The following SLC22A3 variants were observed in gnomAD, a reference collection of about 807,000 sequenced individuals.
SLC22A3 encodes EMT organic cation transporter 3.
SLC22A3 carries 51 observed loss-of-function variants against 59.1 expected under a neutral mutation model. The observed-to-expected ratio is 0.86, with a 90% confidence interval of 0.69 to 1.09. The LOEUF (loss-of-function observed/expected upper bound fraction) is 1.09. Among genes scored for constraint, SLC22A3 ranks in the 50% least tolerant of loss-of-function variants. SLC22A3 has a pLI of 0.00. For missense variants in SLC22A3, 711 were observed against 726.3 expected (o/e 0.98, Z 0.24); for synonymous variants, 325 against 292.0 (o/e 1.11, Z -1.15).
At chr6:160,407,513 A>G (rs980460271) in intron 3 of SLC22A3, among the ~76,000 whole-genome samples, 7 of 152,162 alleles carry the variant, frequency 4.6e-5, no homozygotes, top group African/African-American at 1.2e-4. Flanking sequence ...ATAAAATCTC[A>G]GTAGCTTCTT....
intron 1 of SLC22A3, among the ~76,000 whole-genome samples, chr6:160,359,718 A>G (rs968943733): frequency 6.6e-6 from 1 of 152,222 alleles, no homozygotes; most frequent in African/African-American, 2.4e-5. Context: ...AAAACAACAG[A>G]AAATTGGTGA....
intron 5 of SLC22A3, among the ~76,000 whole-genome samples, chr6:160,412,363 A>C (rs1238815658): frequency 6.6e-6 from 1 of 152,044 alleles, no homozygotes; most frequent in African/African-American, 2.4e-5. Flanking sequence ...AACTCTGTCT[A>C]AAAAAGAACT....
At position 160,389,467 on chromosome 6, in the gene SLC22A3, T is replaced by G. The variant is rs1583468203; in HGVS notation, c.430-8512T>G. Among the ~76,000 whole-genome samples the G allele has an allele frequency of 2.0e-5, 3 of 152,156 alleles. No individual in the cohort carries two copies. In the East Asian group the frequency reaches 5.8e-4, roughly 29 times the overall value. On this transcript the variant is annotated intron_variant, in intron 1 of 10. Transcript: ENST00000275300. ...GACAGGGTTCTGTTCTTGTTCACAG[T>G]GGGGAGGGTAATTCTCCAAAATTCA... is the stretch of plus-strand genomic sequence containing the variant.
At chr6:160,416,534 C>A (rs773140223) in intron 5 of SLC22A3, among the ~76,000 whole-genome samples, 1 of 152,054 alleles carries the variant, frequency 6.6e-6, no homozygotes, top group Non-Finnish European at 1.5e-5. Context: ...AGCATGACAG[C>A]GTCTCACAAT....
intron 5 of SLC22A3, among the ~76,000 whole-genome samples, chr6:160,418,630 T>A (rs903153691): frequency 6.6e-6 from 1 of 152,226 alleles, no homozygotes; most frequent in African/African-American, 2.4e-5. Context: ...ACCTGGATGA[T>A]GCAGCTACAC....
chr6:160,388,900 T>G (rs1786131456), intron 1 of SLC22A3, among the ~76,000 whole-genome samples: 1 of 152,242 alleles, frequency 6.6e-6, no homozygotes, highest in African/African-American at 2.4e-5. Context: ...ACCCCAAAGC[T>G]GCATTGTGCA....
chr6:160,381,557 A>G (rs113670439), intron 1 of SLC22A3, among the ~76,000 whole-genome samples: 2,993 of 152,332 alleles, frequency 0.02, 92 homozygotes, highest in Middle Eastern at 0.11. Flanking sequence ...TTATACTACA[A>G]TATCTTCAAG....
rs1447838093 is a variant in SLC22A3, at chr6:160,408,876, A to G, written c.812A>G (p.Gln271Arg). The change falls in exon 4 of 11, where the codon CAG (glutamine) becomes CGG (arginine). Residue 271 changes from glutamine (Q) to arginine (R), a missense_variant. Gln to Arg is a conservative substitution (Grantham distance 43). Transcript: ENST00000275300. ...TTCATCCCCAACTGGCAAGGAATCC[A>G]GTTAGCCATCACGCTGCCCAGCTTT... is the stretch of plus-strand genomic sequence containing the variant. ...AYFIPNWQGI[Q>R]LAITLPSFLF... 3 of 1,613,904 alleles carry G rather than the reference A, an allele frequency of 1.9e-6. No homozygotes were observed. In the Admixed American group the frequency reaches 5.0e-5, roughly 27 times the overall value.
intron 8 of SLC22A3, 138 bp downstream of exon 8, chr6:160,443,007 G>A (rs1305037062): frequency 1.4e-6 from 1 of 719,884 alleles, no homozygotes; most frequent in Non-Finnish European, 2.5e-6. Context: ...TAGTAAAGAA[G>A]ATATGCTTTG....
chr6:160,425,956 C>T (rs1377004354), intron 5 of SLC22A3: 17 of 985,306 alleles, frequency 1.7e-5, no homozygotes, highest in Non-Finnish European at 2.0e-5. Flanking sequence ...TGGCTTATGG[C>T]TGATACGTAA....
chr6:160,428,532 C>T (rs558388896), intron 5 of SLC22A3, among the ~76,000 whole-genome samples: 20 of 152,306 alleles, frequency 1.3e-4, no homozygotes, highest in South Asian at 4.1e-4. Flanking sequence ...GAGTATGGAA[C>T]GCCTCATGAA....
At chr6:160,398,897 C>G (rs999082647) in intron 2 of SLC22A3, among the ~76,000 whole-genome samples, 1 of 151,950 alleles carries the variant, frequency 6.6e-6, no homozygotes, top group Non-Finnish European at 1.5e-5. Flanking sequence ...CATATCTGGC[C>G]TAATATTGTT....
At chr6:160,364,779 A>C in intron 1 of SLC22A3, among the ~76,000 whole-genome samples, 1 of 152,210 alleles carries the variant, frequency 6.6e-6, no homozygotes, top group East Asian at 1.9e-4. Flanking sequence ...CATCGCTCAG[A>C]GCAGGATCAG....
At chr6:160,445,146 G>A (rs531198428) in intron 9 of SLC22A3, among the ~76,000 whole-genome samples, 12 of 152,336 alleles carry the variant, frequency 7.9e-5, no homozygotes, top group South Asian at 4.1e-4. Flanking sequence ...TAACTGCTGA[G>A]ACCCTGAAAG....
intron 9 of SLC22A3, among the ~76,000 whole-genome samples, chr6:160,446,126 C>T (rs1156683810): frequency 6.6e-6 from 1 of 152,120 alleles, no homozygotes; most frequent in South Asian, 2.1e-4. Context: ...GTGAGAAGCC[C>T]GAGGCAGGAG....
chr6:160,351,884 C>A (rs1468960416), intron 1 of SLC22A3, among the ~76,000 whole-genome samples: 1 of 152,172 alleles, frequency 6.6e-6, no homozygotes, highest in Non-Finnish European at 1.5e-5. Flanking sequence ...AATCCGGGGG[C>A]CTTGATTGTA....
rs1377443526 is a variant in SLC22A3 at position 160,451,046 on chromosome 6, C to T, written c.1661C>T (p.Ser554Phe). ...GRNKKTPVSR[S>F]HL ...AATAAGAAAACCCCAGTTTCCCGCT[C>T]TCACCTTTGAGGCCCCCGACAAAGA... is the stretch of plus-strand genomic sequence containing the variant. The change falls in exon 11 of 11, where the codon TCT (serine) becomes TTT (phenylalanine). Residue 554 changes from serine (S) to phenylalanine (F), a missense_variant. Ser to Phe is a radical substitution (Grantham distance 155). Coordinates refer to ENST00000275300, the MANE Select transcript of SLC22A3 (RefSeq NM_021977.4). 1 of 1,593,244 alleles carries T rather than the reference C, an allele frequency of 6.3e-7. No homozygotes were observed. The highest frequency in any genetic ancestry group is 1.1e-5 in the South Asian group (1 of 87,750).
At chr6:160,424,206 A>T (rs1323210030) in intron 5 of SLC22A3, among the ~76,000 whole-genome samples, 3 of 152,214 alleles carry the variant, frequency 2.0e-5, no homozygotes, top group African/African-American at 7.2e-5. Context: ...TATTGCAAAG[A>T]TCCACAAACC....
At chr6:160,410,451 A>G (rs1035387983) in intron 4 of SLC22A3, among the ~76,000 whole-genome samples, 5 of 152,338 alleles carry the variant, frequency 3.3e-5, no homozygotes, top group Middle Eastern at 3.4e-3. Flanking sequence ...TTCTTTTCAT[A>G]TATGGAATCA....
Sources: allele counts gnomAD v4.1 joint callset (sites outside exome capture counted in the v4.1 genomes callset), GRCh38; gene constraint gnomAD v4.1.1; transcripts MANE v1.5; gene names NCBI Gene and HGNC (gene_info 2026-07-23, HGNC 2026-07-21).